The following PTPRM variants were observed in gnomAD, a reference collection of about 807,000 sequenced individuals.
PTPRM encodes the protein protein tyrosine phosphatase receptor type M.
PTPRM carries 47 observed loss-of-function variants against 186.7 expected under a neutral mutation model. That is an observed-to-expected ratio of 0.25 (90% CI 0.20 to 0.32). The LOEUF is 0.32. PTPRM is among the 10% of genes least tolerant of loss of function. The probability of loss-of-function intolerance (pLI) is 1.00; values close to 1 mark genes in which losing one functional copy is unlikely to be tolerated. For synonymous variants in PTPRM, 668 were observed against 674.9 expected (o/e 0.99, Z 0.16); for missense variants, 1,494 against 1,865.0 (o/e 0.80, Z 3.66).
At chr18:7,737,678 C>A (rs2040800596) in intron 1 of PTPRM, among the ~76,000 whole-genome samples, 1 of 152,158 alleles carries the variant, frequency 6.6e-6, no homozygotes, top group African/African-American at 2.4e-5. Context: ...CTGTGCCAGC[C>A]CCTGGTCTCC....
At chr18:7,779,886 C>T (rs758939305) in intron 2 of PTPRM, among the ~76,000 whole-genome samples, 1 of 152,168 alleles carries the variant, frequency 6.6e-6, no homozygotes, top group Non-Finnish European at 1.5e-5. Context: ...AATAAAGATC[C>T]TCTTCTCAGC....
At chr18:8,341,651 G>C (rs1317161549) in intron 22 of PTPRM, among the ~76,000 whole-genome samples, 2 of 150,192 alleles carry the variant, frequency 1.3e-5, no homozygotes, top group Non-Finnish European at 3.0e-5. Flanking sequence ...AAGTTTCTGA[G>C]TAGGTGGCAC....
intron 7 of PTPRM, among the ~76,000 whole-genome samples, chr18:8,056,872 C>T (rs1262724740): frequency 6.6e-6 from 1 of 151,740 alleles, no homozygotes; most frequent in East Asian, 1.9e-4. Context: ...TTAACATGCA[C>T]TAAGGGAAAC....
At chr18:7,632,680 C>T (rs150325110) in intron 1 of PTPRM, among the ~76,000 whole-genome samples, 13 of 152,276 alleles carry the variant, frequency 8.5e-5, no homozygotes, top group African/African-American at 2.6e-4. Context: ...GGATAGGCTG[C>T]ATGTTACAGC....
intron 14 of PTPRM, among the ~76,000 whole-genome samples, chr18:8,203,660 G>A (rs1285880843): frequency 6.6e-6 from 1 of 152,052 alleles, no homozygotes; most frequent in Non-Finnish European, 1.5e-5. Flanking sequence ...AAGTATTGGG[G>A]GAAATTGTCA....
chr18:8,291,895 T>A (rs970131217), intron 19 of PTPRM, among the ~76,000 whole-genome samples: 1 of 150,756 alleles, frequency 6.6e-6, no homozygotes, highest in African/African-American at 2.4e-5. Flanking sequence ...CACAGGGTCG[T>A]TAAGAGAATC....
chr18:8,283,919 C>A (rs1231581439), intron 19 of PTPRM, among the ~76,000 whole-genome samples: 1 of 152,118 alleles, frequency 6.6e-6, no homozygotes, highest in Admixed American at 6.6e-5. Flanking sequence ...CCACACCTGG[C>A]CACCATTGTT....
In PTPRM at chr18:8,033,259, T is replaced by C. The variant is rs575989400; in HGVS notation, c.1133-36427T>C. On this transcript the variant is annotated intron_variant, in intron 7 of 32. Coordinates refer to ENST00000580170, the MANE Select transcript of PTPRM (RefSeq NM_001105244.2). Reference sequence around the variant, plus strand: ...GTGAAAACAGAGATAAAAATACTTATTAAACATATTTTAAAAGTCAGTACC... The same window carrying C: ...GTGAAAACAGAGATAAAAATACTTACTAAACATATTTTAAAAGTCAGTACC... Among the ~76,000 whole-genome samples the C allele has an allele frequency of 2.0e-4, 30 of 152,236 alleles. No homozygotes were observed. The East Asian group carries it at 4.6e-3, about 23-fold the overall frequency.
chr18:7,949,705 A>G (rs2147059987), intron 6 of PTPRM, among the ~76,000 whole-genome samples: 1 of 152,302 alleles, frequency 6.6e-6, no homozygotes, highest in South Asian at 2.1e-4. Context: ...TTCATCAGCC[A>G]GCGTGTTTAT....
chr18:7,811,627 C>T (rs543072289), intron 2 of PTPRM, among the ~76,000 whole-genome samples: 4 of 152,256 alleles, frequency 2.6e-5, no homozygotes, highest in African/African-American at 9.6e-5. Flanking sequence ...AGCCTCCTAA[C>T]ATGTTGGGTT....
chr18:7,895,631 C>T (rs1243780191), intron 3 of PTPRM, among the ~76,000 whole-genome samples: 1 of 152,202 alleles, frequency 6.6e-6, no homozygotes, highest in African/African-American at 2.4e-5. Flanking sequence ...CTTCAGTTGG[C>T]TATTTCCCAT....
chr18:8,238,713 C>A (rs1384364539), intron 14 of PTPRM, among the ~76,000 whole-genome samples: 10 of 116,468 alleles, frequency 8.6e-5, no homozygotes, highest in African/African-American at 2.8e-4. Context: ...TATTGAGTAA[C>A]AGGAACTGTG....
intron 29 of PTPRM, among the ~76,000 whole-genome samples, chr18:8,382,852 AG>A (rs1390606347): frequency 2.0e-5 from 3 of 152,218 alleles, no homozygotes; most frequent in African/African-American, 7.2e-5. Flanking sequence ...AAATTCAGCC[AG>A]TGGATCCTCC....
rs775967240 is a variant in PTPRM, at chr18:8,387,195, G to A, written c.4168G>A (p.Glu1390Lys). The stretch of plus-strand genomic sequence containing the variant: ...TCGCCAGGTGGACAAGTGGCAAGAG[G>A]AGTACAATGGCGGGGAAGGCCGCAC... ...LIRQVDKWQE[E>K]YNGGEGRTVV... The change falls in exon 31 of 33, where the codon GAG becomes AAG. Residue 1390 changes from glutamate to lysine, a missense_variant. Glu to Lys is a moderately conservative substitution (Grantham distance 56, BLOSUM62 1). Coordinates refer to ENST00000580170, the MANE Select transcript of PTPRM (RefSeq NM_001105244.2). 6 of 1,613,992 alleles carry A rather than the reference G, an allele frequency of 3.7e-6. No homozygotes were observed. The Admixed American group carries it at 1.0e-4, about 27-fold the overall frequency.
At chr18:8,241,223 A>G (rs2094431874) in intron 14 of PTPRM, among the ~76,000 whole-genome samples, 1 of 152,192 alleles carries the variant, frequency 6.6e-6, no homozygotes. Context: ...CTGTAGTCTC[A>G]ACTACTTGTT....
At chr18:8,404,060 G>A (rs2095887956) in intron 32 of PTPRM, 1 of 152,006 alleles carries the variant, frequency 6.6e-6, no homozygotes, top group African/African-American at 2.4e-5. Flanking sequence ...GTTTCCTTAG[G>A]TGTACACCCA....
chr18:7,956,313 A>T (rs2053306936), intron 7 of PTPRM, among the ~76,000 whole-genome samples: 1 of 152,256 alleles, frequency 6.6e-6, no homozygotes. Context: ...TGCTTAGCAT[A>T]GTCAGATTCT....
intron 22 of PTPRM, among the ~76,000 whole-genome samples, chr18:8,320,671 C>T (rs2095340151): frequency 6.6e-6 from 1 of 152,176 alleles, no homozygotes; most frequent in African/African-American, 2.4e-5. Context: ...ACTGTGGAAA[C>T]TGATCCTGCC....
At chr18:7,863,290 T>C (rs1036229969) in intron 2 of PTPRM, among the ~76,000 whole-genome samples, 3 of 152,086 alleles carry the variant, frequency 2.0e-5, no homozygotes, top group Admixed American at 2.0e-4. Flanking sequence ...GCCATGGTGG[T>C]TTGCTGCCCA....
Sources: gnomAD v4.1 joint callset for allele counts (sites outside exome capture counted in the v4.1 genomes callset) on GRCh38, gnomAD v4.1.1 for gene constraint, MANE v1.5 for transcripts, NCBI Gene and HGNC (gene_info 2026-07-23, HGNC 2026-07-21) for gene names.